Variants in MACF1 observed in about 807,000 individuals in gnomAD.
MACF1 encodes the protein microtubule actin crosslinking factor 1, also known as microtubule-actin cross-linking factor 1.
Under a neutral mutation model 854.8 loss-of-function variants are expected in MACF1, and 193 were observed. The observed-to-expected ratio is 0.23, with a 90% CI of 0.20 to 0.25. MACF1 has a LOEUF of 0.25. Among genes scored for constraint, MACF1 ranks in the 10% least tolerant of loss-of-function variants. The pLI is 1.00. For missense variants in MACF1, 7,722 were observed against 8,929.1 expected, an observed-to-expected ratio of 0.86 and a Z score of 5.45; for synonymous variants, 3,185 against 3,226.7, an observed-to-expected ratio of 0.99 and a Z score of 0.44.
chr1:39,138,127 A>G (rs1228745494), intron 2 of MACF1, among the ~76,000 whole-genome samples: 1 of 150,618 alleles, frequency 6.6e-6, no homozygotes, highest in Non-Finnish European at 1.5e-5. Context: ...TTTAATTTCT[A>G]TTTCAACAAA....
At chr1:39,292,361 T>TC (rs1292879440) in intron 16 of MACF1, among the ~76,000 whole-genome samples, 2 of 152,208 alleles carry the variant, frequency 1.3e-5, no homozygotes, top group Non-Finnish European at 2.9e-5. Context: ...ACTTTTTACT[T>TC]CCCCATCTGC....
intron 85 of MACF1, among the ~76,000 whole-genome samples, chr1:39,451,949 C>T (rs1163636417): frequency 6.6e-6 from 1 of 152,104 alleles, no homozygotes; most frequent in African/African-American, 2.4e-5. Flanking sequence ...CTCAAGCAGT[C>T]CTCTCATCTC....
chr1:39,130,462 G>C (rs1642971662), intron 2 of MACF1, among the ~76,000 whole-genome samples: 1 of 152,178 alleles, frequency 6.6e-6, no homozygotes, highest in South Asian at 2.1e-4. Context: ...TCCTTTCTCT[G>C]TTTTCAGATA....
At chr1:39,094,192 C>T (rs1276438737) in intron 2 of MACF1, among the ~76,000 whole-genome samples, 1 of 152,050 alleles carries the variant, frequency 6.6e-6, no homozygotes. Flanking sequence ...TACCTGTAAT[C>T]CCAGCATTTT....
intron 2 of MACF1, among the ~76,000 whole-genome samples, chr1:39,197,453 A>G (rs1251526299): frequency 6.6e-6 from 1 of 152,210 alleles, no homozygotes; most frequent in East Asian, 1.9e-4. Context: ...TTTTTGAATG[A>G]CACAAACATG....
chr1:39,332,421 G>C lies in MACF1; in HGVS notation c.5833G>C (p.Val1945Leu). 3 of 1,614,010 alleles carry C rather than the reference G, an allele frequency of 1.9e-6. No homozygotes were observed. Among genetic ancestry groups the C allele is most frequent in the Non-Finnish European group, 2.5e-6 (3 of 1,180,008 alleles). The change falls in exon 37 of 101, where the codon GTT (valine) becomes CTT (leucine). Residue 1945 changes from valine (V) to leucine (L), a missense_variant. Transcript: ENST00000564288. The part of the protein sequence containing the change: ...AEQNINPGAA[V>L]LPCSKSHPKA... ...ACAAAATATTAATCCTGGAGCAGCA[G>C]TTCTACCGTGCAGCAAGAGCCACCC...
chr1:39,232,346 C>T (rs903189721), intron 2 of MACF1, among the ~76,000 whole-genome samples: 15 of 152,080 alleles, frequency 9.9e-5, no homozygotes, highest in Non-Finnish European at 2.2e-4. Flanking sequence ...CTAGTTTTAT[C>T]TTCCTCTTAT....
chr1:39,391,286 C>A (rs1343354817), intron 58 of MACF1, among the ~76,000 whole-genome samples: 1 of 151,984 alleles, frequency 6.6e-6, no homozygotes, highest in Non-Finnish European at 1.5e-5. Flanking sequence ...GTGATATTCT[C>A]AAGGATGTGA....
chr1:39,315,346 A>T (rs1449192530), intron 26 of MACF1, among the ~76,000 whole-genome samples, 167 bp from the exon 27 acceptor site: 2 of 152,240 alleles, frequency 1.3e-5, no homozygotes, highest in Admixed American at 1.3e-4. Flanking sequence ...TTTCATTTAC[A>T]GCTGCATAAT....
chr1:39,358,556 A>G (rs1647795625), intron 45 of MACF1, 141 bp from the exon 46 acceptor site: 2 of 713,020 alleles, frequency 2.8e-6, no homozygotes, highest in Non-Finnish European at 4.7e-6. Flanking sequence ...ATTGCTACCC[A>G]TCTATCCATG....
intron 92 of MACF1, 57 bp from the exon 93 acceptor site, chr1:39,461,826 C>G: frequency 9.9e-7 from 1 of 1,006,624 alleles, no homozygotes; most frequent in Non-Finnish European, 1.5e-6. Context: ...AAATCTATAA[C>G]CGCCAACCGA....
intron 22 of MACF1, among the ~76,000 whole-genome samples, chr1:39,300,648 C>T (rs1004249170): frequency 6.6e-6 from 1 of 152,120 alleles, no homozygotes; most frequent in African/African-American, 2.4e-5. Flanking sequence ...ATCCTTGACT[C>T]CCCCACCCCT....
At chr1:39,449,147 G>A (rs1169893755) in intron 84 of MACF1, among the ~76,000 whole-genome samples, 1 of 152,106 alleles carries the variant, frequency 6.6e-6, no homozygotes, top group Non-Finnish European at 1.5e-5. Context: ...AATTACTACT[G>A]AATATGTACC....
At chr1:39,107,690 C>T (rs150433104) in intron 2 of MACF1, among the ~76,000 whole-genome samples, 106 of 152,252 alleles carry the variant, frequency 7.0e-4, no homozygotes, top group African/African-American at 2.2e-3. Flanking sequence ...GAGCTGGAAT[C>T]TATAGAGTGA....
intron 1 of MACF1, among the ~76,000 whole-genome samples, chr1:39,212,783 C>T (rs941049960): frequency 7.2e-5 from 11 of 152,084 alleles, no homozygotes; most frequent in Admixed American, 2.0e-4. Flanking sequence ...CCGCCATGCC[C>T]GGCTAATTTT....
intron 1 of MACF1, among the ~76,000 whole-genome samples, chr1:39,218,494 C>T (rs1186064002): frequency 6.6e-6 from 1 of 152,070 alleles, no homozygotes; most frequent in African/African-American, 2.4e-5. Context: ...GTTTCTTCAT[C>T]TTTAAGATGA....
chr1:39,336,436 A>G lies in MACF1; in HGVS notation c.9848A>G (p.Glu3283Gly). The G allele has an allele frequency of 6.2e-7, 1 of 1,614,206 alleles. No individual in the cohort carries two copies. Among genetic ancestry groups the G allele is most frequent in the Non-Finnish European group, 8.5e-7 (1 of 1,180,030 alleles). ...CTGTTCAAAGGAGTGTCTCAAAAAG[A>G]GAATACAGGGCAACAGAATGCCATC... Reference protein sequence around the residue: ...EKLFKGVSQKENTGQQNAIIS... With the variant: ...EKLFKGVSQKGNTGQQNAIIS... The change falls in exon 37 of 101, where the codon GAG (glutamate) becomes GGG (glycine). Residue 3283 changes from glutamate (E) to glycine (G), a missense_variant. By Grantham distance (98) the Glu-to-Gly change is moderately conservative. Coordinates refer to ENST00000564288, the MANE Select transcript of MACF1 (RefSeq NM_001394062.1).
At chr1:39,299,159 T>C (rs1005183457) in intron 21 of MACF1, 6 of 452,808 alleles carry the variant, frequency 1.3e-5, no homozygotes, top group Admixed American at 4.8e-5. Flanking sequence ...CTCTCAAGTA[T>C]GGAAATGTGG....
intron 16 of MACF1, 143 bp from the exon 17 acceptor site, chr1:39,292,623 A>C: frequency 1.6e-6 from 1 of 617,986 alleles, no homozygotes; most frequent in Non-Finnish European, 2.8e-6. Context: ...TATGACTCAG[A>C]AATTTGTTGT....
Sources: allele counts gnomAD v4.1 joint callset (sites outside exome capture counted in the v4.1 genomes callset), GRCh38; gene constraint gnomAD v4.1.1; transcripts MANE v1.5; gene names NCBI Gene and HGNC (gene_info 2026-07-23, HGNC 2026-07-21).